The following GPHN variants were observed in gnomAD, a reference collection of about 807,000 sequenced individuals.
GPHN encodes gephyrin.
A neutral mutation model predicts 95.5 loss-of-function variants in GPHN; 17 were observed. The ratio of observed to expected loss-of-function variants is 0.18; its 90% confidence interval spans 0.12 to 0.27. The LOEUF is 0.27. GPHN is among the 10% of genes least tolerant of loss of function. The probability of loss-of-function intolerance (pLI) is 1.00; values close to 1 mark genes in which losing one functional copy is unlikely to be tolerated. For synonymous variants in GPHN, 320 were observed against 322.5 expected (o/e 0.99, Z 0.08); for missense variants, 660 against 978.1 (o/e 0.67, Z 4.34).
At chr14:66,595,102 T>A (rs2061917225) in intron 1 of GPHN, among the ~76,000 whole-genome samples, 1 of 152,212 alleles carries the variant, frequency 6.6e-6, no homozygotes, top group Non-Finnish European at 1.5e-5. Context: ...AATGAGATAC[T>A]GTCTTATAGC....
At chr14:67,537,482 T>C in the GPHN span, among the ~76,000 whole-genome samples, 1 of 148,790 alleles carries the variant, frequency 6.7e-6, no homozygotes, top group South Asian at 2.1e-4. Context: ...CTGGGCACCA[T>C]GGTGAAACCT....
the GPHN span, among the ~76,000 whole-genome samples, chr14:67,489,737 T>A: frequency 6.6e-6 from 1 of 152,224 alleles, no homozygotes; most frequent in Non-Finnish European, 1.5e-5. Context: ...ACGCCTGTAA[T>A]CCCAGCACAT....
intron 1 of GPHN, among the ~76,000 whole-genome samples, chr14:66,522,296 G>A (rs999748467): frequency 2.0e-5 from 3 of 152,070 alleles, no homozygotes; most frequent in Non-Finnish European, 2.9e-5. Flanking sequence ...TCACCTATGG[G>A]TCTTAGTCTT....
the GPHN span, chr14:67,575,438 A>G: frequency 1.2e-6 from 2 of 1,609,590 alleles, no homozygotes; most frequent in Non-Finnish European, 1.7e-6. Flanking sequence ...CTTGTTGGGA[A>G]AATCTTCTAC....
chr14:66,882,005 T>C (rs1054735670), intron 5 of GPHN, among the ~76,000 whole-genome samples: 8 of 151,954 alleles, frequency 5.3e-5, no homozygotes, highest in Non-Finnish European at 8.8e-5. Flanking sequence ...TTTTTTGTGC[T>C]TCTCAAAGCC....
At position 67,179,687 on chromosome 14, in the gene GPHN, C is replaced by T; in HGVS notation, c.2176+13C>T. The T allele has an allele frequency of 7.6e-7, 1 of 1,320,948 alleles. No individual in the cohort carries two copies. The highest frequency in any genetic ancestry group is 1.1e-6 in the Non-Finnish European group (1 of 911,836). 81.8% of individuals were successfully genotyped at this position (1,320,948 alleles called of 1,614,324 possible). Reference sequence around the variant, plus strand: ...GCACAGAGTACAGGTTAGTCATTCACATCTACAGATATTCCTAGACACCTA... The same window carrying T: ...GCACAGAGTACAGGTTAGTCATTCATATCTACAGATATTCCTAGACACCTA... On this transcript the variant is annotated intron_variant, in intron 22 of 22. Coordinates refer to ENST00000478722, the MANE Select transcript of GPHN (RefSeq NM_020806.5).
At chr14:67,351,282 T>C in the GPHN span, among the ~76,000 whole-genome samples, 1 of 152,118 alleles carries the variant, frequency 6.6e-6, no homozygotes, top group African/African-American at 2.4e-5. Flanking sequence ...CTACTGTCTA[T>C]ACAGTACAAA....
chr14:66,884,506 C>T (rs746791781), intron 5 of GPHN, among the ~76,000 whole-genome samples: 1 of 151,988 alleles, frequency 6.6e-6, no homozygotes, highest in Admixed American at 6.6e-5. Context: ...ACATCTTGTT[C>T]CAGTGGTTAA....
the GPHN span, among the ~76,000 whole-genome samples, chr14:67,493,703 G>A: frequency 6.6e-6 from 1 of 152,048 alleles, no homozygotes; most frequent in African/African-American, 2.4e-5. Context: ...TTCTGTGATT[G>A]GTTCAGGGAT....
chr14:66,867,565 C>T (rs1364397805), intron 4 of GPHN, among the ~76,000 whole-genome samples: 3 of 152,130 alleles, frequency 2.0e-5, no homozygotes, highest in Admixed American at 2.0e-4. Flanking sequence ...CTACTCTGTA[C>T]CATAGAATAC....
At chr14:66,814,729 C>T (rs1282955898) in intron 3 of GPHN, among the ~76,000 whole-genome samples, 1 of 152,166 alleles carries the variant, frequency 6.6e-6, no homozygotes, top group Admixed American at 6.5e-5. Flanking sequence ...TGCAAGAATG[C>T]TGAAAACTCA....
At chr14:66,649,775 G>C (rs2064947671) in intron 1 of GPHN, among the ~76,000 whole-genome samples, 1 of 152,166 alleles carries the variant, frequency 6.6e-6, no homozygotes, top group South Asian at 2.1e-4. Context: ...AGTGGCAGGT[G>C]GCAAGCTGCA....
chr14:66,896,465 A>C (rs1031259260), intron 5 of GPHN, among the ~76,000 whole-genome samples: 1 of 151,984 alleles, frequency 6.6e-6, no homozygotes, highest in Non-Finnish European at 1.5e-5. Context: ...AAAAGATACA[A>C]AAATTAGACC....
the GPHN span, among the ~76,000 whole-genome samples, chr14:67,514,554 G>A: frequency 4.7e-4 from 72 of 152,162 alleles, no homozygotes; most frequent in Non-Finnish European, 8.4e-4. Flanking sequence ...GGGAGAAGGC[G>A]GCGGGGTCAT....
intron 12 of GPHN, among the ~76,000 whole-genome samples, chr14:67,099,736 GAA>G (rs1015953008): frequency 1.3e-5 from 2 of 151,912 alleles, no homozygotes; most frequent in Admixed American, 6.6e-5. Context: ...TAAGCCTTTA[GAA>G]AAAAATAACA....
chr14:67,195,731 G>A, the GPHN span, among the ~76,000 whole-genome samples: 22,472 of 151,326 alleles, frequency 0.15, 3,164 homozygotes, highest in East Asian at 0.36. Flanking sequence ...GTGTGTGTGT[G>A]TGTGTGTGTG....
chr14:67,060,083 A>G (rs1046047893), intron 11 of GPHN, among the ~76,000 whole-genome samples: 2 of 151,988 alleles, frequency 1.3e-5, no homozygotes, highest in African/African-American at 4.8e-5. Context: ...TGTTATAAAA[A>G]TAAATAAACC....
chr14:67,491,025 T>C, the GPHN span, among the ~76,000 whole-genome samples: 1 of 152,178 alleles, frequency 6.6e-6, no homozygotes, highest in Non-Finnish European at 1.5e-5. Context: ...TTCTGAGGGC[T>C]CAGTCCCACA....
chr14:67,485,283 A>G, the GPHN span, among the ~76,000 whole-genome samples: 1 of 152,084 alleles, frequency 6.6e-6, no homozygotes, highest in African/African-American at 2.4e-5. Context: ...CTCCCCTCCT[A>G]CAGTCTAGGC....
Sources: allele counts gnomAD v4.1 joint callset (sites outside exome capture counted in the v4.1 genomes callset), GRCh38; gene constraint gnomAD v4.1.1; transcripts MANE v1.5; gene names NCBI Gene and HGNC (gene_info 2026-07-23, HGNC 2026-07-21).